KCNQ1: variants seen among roughly 807,000 people sequenced by gnomAD.
KCNQ1 encodes the protein potassium voltage-gated channel subfamily KQT member 1.
In KCNQ1, 49 loss-of-function variants were observed where a neutral mutation model predicts 72.4. The ratio of observed to expected loss-of-function variants is 0.68; its 90% confidence interval spans 0.54 to 0.86. The LOEUF (loss-of-function observed/expected upper bound fraction) is 0.86, where lower values mean the gene tolerates loss of function less well. Among genes scored for constraint, KCNQ1 ranks in the 40% least tolerant of loss-of-function variants. The pLI is 0.00. For synonymous variants in KCNQ1, 450 were observed against 412.6 expected, an observed-to-expected ratio of 1.09 and a Z score of -1.10; for missense variants, 790 against 945.1, an observed-to-expected ratio of 0.84 and a Z score of 2.15.
In KCNQ1 at chr11:2,654,872, A is replaced by G. The variant is rs1236704149; in HGVS notation, c.1394-7089A>G. 1 of 398,518 alleles carries G rather than the reference A, an allele frequency of 2.5e-6. No homozygotes were observed. Among genetic ancestry groups the G allele is most frequent in the Non-Finnish European group, 4.4e-6 (1 of 226,094 alleles). 24.7% of individuals were successfully genotyped at this position (398,518 alleles called of 1,614,324 possible). On this transcript the variant is annotated intron_variant, in intron 10 of 15. Coordinates refer to ENST00000155840, the MANE Select transcript of KCNQ1 (RefSeq NM_000218.3). The surrounding 1 kb of genome is among the most constrained non-coding windows in gnomAD (Gnocchi z 6.4). Reference sequence around the variant, plus strand: ...AGCTCCAGGCCAGGTGGAGGGACATATTCTGGCAACTCTAGGATAAGATGT... The same window carrying G: ...AGCTCCAGGCCAGGTGGAGGGACATGTTCTGGCAACTCTAGGATAAGATGT...
rs1244879608 is a variant in KCNQ1, at chr11:2,712,818, A to G, written c.1514+50737A>G. On this transcript the variant is annotated intron_variant, in intron 11 of 15. Transcript: ENST00000155840. This position sits in a 1 kb window ranked among gnomAD's most constrained non-coding sequence, Gnocchi z 6.4. ...CTCACAGCCTCTGGGTTGGGAGCAC[A>G]CATGGCATCTCCTAGAGAGTTTGGG... Among the ~76,000 whole-genome samples the G allele has an allele frequency of 6.6e-6, 1 of 152,204 alleles. No homozygotes were observed. Among genetic ancestry groups the G allele is most frequent in the African/African-American group, 2.4e-5 (1 of 41,460 alleles).
At chr11:2,555,382 G>T (rs1176806133) in intron 2 of KCNQ1, among the ~76,000 whole-genome samples, 1 of 152,236 alleles carries the variant, frequency 6.6e-6, no homozygotes, top group African/African-American at 2.4e-5. Context: ...CAGCAGTGGG[G>T]TTCCCAGGCT....
chr11:2,598,987 T>C lies in KCNQ1; in HGVS notation c.1393+10133T>C, dbSNP rs1014679359. ...AGGCTCTATCAATACCAGATCTGAA[T>C]AGGGGCTATTCTTTCTTTTAGTGTC... On this transcript the variant is annotated intron_variant, in intron 10 of 15. Coordinates refer to ENST00000155840, the MANE Select transcript of KCNQ1 (RefSeq NM_000218.3). This position sits in a 1 kb window ranked among gnomAD's most constrained non-coding sequence, Gnocchi z 6.2. 2.0e-5 allele frequency among the ~76,000 whole-genome samples: 3 copies of C among 152,242 alleles called. No individual in the cohort carries two copies. The highest frequency in any genetic ancestry group is 2.1e-4 in the South Asian group (1 of 4,834).
rs1285056525 is a variant in KCNQ1, at chr11:2,677,271, C to T, written c.1514+15190C>T. 3 of 398,358 alleles carry T rather than the reference C, an allele frequency of 7.5e-6. No individual in the cohort carries two copies. Among genetic ancestry groups the T allele is most frequent in the Non-Finnish European group, 1.3e-5 (3 of 226,056 alleles). 24.7% of individuals were successfully genotyped at this position (398,358 alleles called of 1,614,324 possible). A position where few individuals can be genotyped will look rare whatever the true frequency, so the allele number is the denominator to read the frequency against. ...GTAAAGAGGAACTTATAAAGAGGAACTGTAAATCTTGTCAAAATAGGAGAT... is the reference window on the plus strand; with the variant it reads ...GTAAAGAGGAACTTATAAAGAGGAATTGTAAATCTTGTCAAAATAGGAGAT... On this transcript the variant is annotated intron_variant, in intron 11 of 15. Transcript: ENST00000155840. The surrounding 1 kb of genome is among the most constrained non-coding windows in gnomAD (Gnocchi z 4.5).
chr11:2,699,499 C>T (rs1405504312), intron 11 of KCNQ1: 2 of 181,120 alleles, frequency 1.1e-5, no homozygotes, highest in African/African-American at 4.3e-5. Context: ...GAGAGTGCCG[C>T]GCTGAGGAGC....
chr11:2,679,732 G>A lies in KCNQ1; in HGVS notation c.1514+17651G>A, dbSNP rs1850356595. On this transcript the variant is annotated intron_variant, in intron 11 of 15. Transcript: ENST00000155840. This position sits in a 1 kb window ranked among gnomAD's most constrained non-coding sequence, Gnocchi z 4.8. ...TTCTCTGTATTCTTGTCCAGATGCT[G>A]TGGACAGTGATGATGGGAAAATAGT... The A allele has an allele frequency of 2.5e-6, 1 of 398,590 alleles. No homozygotes were observed. Among genetic ancestry groups the A allele is most frequent in the East Asian group, 3.6e-5 (1 of 28,074 alleles). The allele number at this position is 398,590 out of a possible 1,614,324, so 24.7% of individuals were successfully genotyped here.
In KCNQ1 at chr11:2,579,731, C is replaced by G. The variant is rs1848471629; in HGVS notation, c.922-3704C>G. Among the ~76,000 whole-genome samples, 1 of 152,118 alleles carries G rather than the reference C, an allele frequency of 6.6e-6. No homozygotes were observed. Among genetic ancestry groups the G allele is most frequent in the South Asian group, 2.1e-4 (1 of 4,824 alleles). On this transcript the variant is annotated intron_variant, in intron 6 of 15. Coordinates refer to ENST00000155840, the MANE Select transcript of KCNQ1 (RefSeq NM_000218.3). The surrounding 1 kb of genome is among the most constrained non-coding windows in gnomAD (Gnocchi z 6.0). ...ACCCAGGGGCACTTCTGGGGCTGGCCTTTCTCTCCCTCTCGGGGCACCCCT... is the reference window on the plus strand; with the variant it reads ...ACCCAGGGGCACTTCTGGGGCTGGCGTTTCTCTCCCTCTCGGGGCACCCCT...
chr11:2,838,520 G>A (rs1052895943), intron 15 of KCNQ1, among the ~76,000 whole-genome samples: 19 of 152,158 alleles, frequency 1.2e-4, no homozygotes, highest in Non-Finnish European at 1.5e-4. Context: ...GAAGGGAGGC[G>A]AGAGGAAGTA....
chr11:2,834,807 C>G (rs1486546429), intron 15 of KCNQ1, among the ~76,000 whole-genome samples: 2 of 152,216 alleles, frequency 1.3e-5, no homozygotes, highest in African/African-American at 4.8e-5. Context: ...CCCTTGGCTG[C>G]CCCAGGAATG....
chr11:2,686,548 A>T, intron 11 of KCNQ1: 1 of 398,682 alleles, frequency 2.5e-6, no homozygotes, highest in Non-Finnish European at 4.4e-6. Flanking sequence ...GCCCTGGGCA[A>T]TGTGCTCCTG....
rs971830510 is a variant in KCNQ1 at position 2,713,570 on chromosome 11, G to A, written c.1514+51489G>A. ...TGGAGGACAGGCACCCTTGTTGGCC[G>A]TGGATAGGTTTCTGTTCTCCCTCGA... On this transcript the variant is annotated intron_variant, in intron 11 of 15. Coordinates refer to ENST00000155840, the MANE Select transcript of KCNQ1 (RefSeq NM_000218.3). The surrounding 1 kb of genome is among the most constrained non-coding windows in gnomAD (Gnocchi z 5.6). Among the ~76,000 whole-genome samples, 2 of 152,236 alleles carry A rather than the reference G, an allele frequency of 1.3e-5. No individual in the cohort carries two copies. The highest frequency in any genetic ancestry group is 2.1e-4 in the South Asian group (1 of 4,824).
At chr11:2,699,207 A>G (rs1850729130) in intron 11 of KCNQ1, 1 of 398,618 alleles carries the variant, frequency 2.5e-6, no homozygotes. Flanking sequence ...GGACGCGGCC[A>G]GGAACTCGGA....
At chr11:2,633,510 T>C in intron 10 of KCNQ1, 1 of 398,564 alleles carries the variant, frequency 2.5e-6, no homozygotes, top group East Asian at 3.6e-5. Context: ...AGGTCTCATG[T>C]TTAAGTCTCT....
At chr11:2,839,446 C>T (rs1016026503) in intron 15 of KCNQ1, among the ~76,000 whole-genome samples, 1 of 152,234 alleles carries the variant, frequency 6.6e-6, no homozygotes, top group Non-Finnish European at 1.5e-5. Context: ...ACGTCAGCCC[C>T]AACCCAGATG....
chr11:2,767,971 T>C lies in KCNQ1; in HGVS notation c.1515-873T>C, dbSNP rs1193463941. Among the ~76,000 whole-genome samples the C allele has an allele frequency of 6.6e-6, 1 of 152,232 alleles. No homozygotes were observed. Among genetic ancestry groups the C allele is most frequent in the Non-Finnish European group, 1.5e-5 (1 of 68,044 alleles). ...TGTTGGGTGTCAGTGCTCCCCAAAC[T>C]GACAAGTGCCCTGAGGAGGAAACGC... is the stretch of plus-strand genomic sequence containing the variant. On this transcript the variant is annotated intron_variant, in intron 11 of 15. Transcript: ENST00000155840. The surrounding 1 kb of genome is among the most constrained non-coding windows in gnomAD (Gnocchi z 4.6).
rs1018488645 is a variant in KCNQ1 at position 2,478,901 on chromosome 11, G to A, written c.386+33417G>A. Reference sequence around the variant, plus strand: ...TTAGTTAATTCCTAGACACAATTAGGGTACAGGCCTTGGATAAATACACCC... The same window carrying A: ...TTAGTTAATTCCTAGACACAATTAGAGTACAGGCCTTGGATAAATACACCC... On this transcript the variant is annotated intron_variant, in intron 1 of 15. Coordinates refer to ENST00000155840, the MANE Select transcript of KCNQ1 (RefSeq NM_000218.3). The surrounding 1 kb of genome is among the most constrained non-coding windows in gnomAD (Gnocchi z 4.0). Among the ~76,000 whole-genome samples the A allele has an allele frequency of 6.6e-6, 1 of 152,290 alleles. No individual in the cohort carries two copies. The highest frequency in any genetic ancestry group is 1.5e-5 in the Non-Finnish European group (1 of 68,024).
chr11:2,807,544 T>C (rs1341700585), intron 15 of KCNQ1, among the ~76,000 whole-genome samples: 1 of 152,116 alleles, frequency 6.6e-6, no homozygotes, highest in Non-Finnish European at 1.5e-5. Context: ...AATAAATCCC[T>C]CCTCGGAACA....
intron 2 of KCNQ1, among the ~76,000 whole-genome samples, chr11:2,561,104 A>G (rs1481409151): frequency 6.6e-6 from 1 of 150,980 alleles, no homozygotes; most frequent in Non-Finnish European, 1.5e-5. Context: ...CGGGAGGCTG[A>G]GGCAGTAGAA....
rs543741819 is a variant in KCNQ1, at chr11:2,503,596, C to T, written c.387-24332C>T. On this transcript the variant is annotated intron_variant, in intron 1 of 15. Transcript: ENST00000155840. ...AGGAGATATACCTAATGCTAAATGA[C>T]GAGTTAATGGGTGCAGCACACCAAC... Among the ~76,000 whole-genome samples, 15 of 151,500 alleles carry T rather than the reference C, an allele frequency of 9.9e-5. No individual in the cohort carries two copies. The South Asian group carries it at 1.3e-3, about 13-fold the overall frequency.
Sources: gnomAD v4.1 joint callset for allele counts (sites outside exome capture counted in the v4.1 genomes callset) on GRCh38, gnomAD v4.1.1 for gene constraint, Gnocchi (gnomAD v3.1) non-coding constraint, MANE v1.5 for transcripts, NCBI Gene and HGNC (gene_info 2026-07-23, HGNC 2026-07-21) for gene names.